The following FMN1 variants were observed in gnomAD, a reference collection of about 807,000 sequenced individuals.
The protein encoded by FMN1 is formin-1.
In FMN1, 110 loss-of-function variants were observed where a neutral mutation model predicts 132.4. That is an observed-to-expected ratio of 0.83 (90% CI 0.71 to 0.97). The LOEUF (loss-of-function observed/expected upper bound fraction) is 0.97, where lower values mean the gene tolerates loss of function less well. FMN1 is among the 50% of genes least tolerant of loss of function. The pLI is 0.00. For missense variants in FMN1, 1,792 were observed against 1,705.3 expected, an observed-to-expected ratio of 1.05 and a Z score of -0.90; for synonymous variants, 722 against 651.7, an observed-to-expected ratio of 1.11 and a Z score of -1.64.
chr15:33,076,284 G>T (rs1395332843), intron 5 of FMN1, among the ~76,000 whole-genome samples: 2 of 152,178 alleles, frequency 1.3e-5, no homozygotes, highest in Non-Finnish European at 2.9e-5. Flanking sequence ...TGACTAAGTT[G>T]CTCCTGATAA....
chr15:32,921,302 A>G (rs2060815638), intron 10 of FMN1, among the ~76,000 whole-genome samples: 1 of 152,214 alleles, frequency 6.6e-6, no homozygotes, highest in African/African-American at 2.4e-5. Flanking sequence ...TGTGTTGTGC[A>G]TGCAATGACA....
intron 5 of FMN1, among the ~76,000 whole-genome samples, chr15:33,075,368 T>C (rs2038167442): frequency 6.6e-6 from 1 of 152,084 alleles, no homozygotes; most frequent in Admixed American, 6.6e-5. Flanking sequence ...AGCAGGAAGT[T>C]TTCTTCTCCC....
At chr15:33,163,419 C>T (rs1388143888) in intron 3 of FMN1, among the ~76,000 whole-genome samples, 1 of 151,736 alleles carries the variant, frequency 6.6e-6, no homozygotes, top group East Asian at 1.9e-4. Context: ...CTCAGCCTCC[C>T]GAGTAGCTGG....
intron 3 of FMN1, among the ~76,000 whole-genome samples, chr15:33,163,131 A>G (rs1206859210): frequency 6.6e-6 from 1 of 152,186 alleles, no homozygotes; most frequent in African/African-American, 2.4e-5. Context: ...TGCTTCAAAA[A>G]AAAGATATGT....
chr15:32,955,807 G>C (rs1181537897), intron 9 of FMN1, among the ~76,000 whole-genome samples: 1 of 138,772 alleles, frequency 7.2e-6, no homozygotes, highest in Admixed American at 6.8e-5. Flanking sequence ...GTGTGTGCGT[G>C]TGCGTGTGTG....
intron 4 of FMN1, among the ~76,000 whole-genome samples, chr15:33,104,688 A>C (rs572051555): frequency 1.3e-5 from 2 of 152,190 alleles, no homozygotes; most frequent in South Asian, 4.1e-4. Context: ...TGTAATTCTC[A>C]AATAGTTTTG....
At chr15:33,029,939 T>C (rs771980602) in intron 6 of FMN1, among the ~76,000 whole-genome samples, 24 of 152,172 alleles carry the variant, frequency 1.6e-4, no homozygotes, top group Non-Finnish European at 1.8e-4. Context: ...AGGCAGATCA[T>C]GAGGTCAAGA....
At chr15:32,899,873 G>GAT in intron 14 of FMN1, 106 bp downstream of exon 14, 7 of 1,081,432 alleles carry the variant, frequency 6.5e-6, no homozygotes, top group Non-Finnish European at 9.4e-6. Context: ...TGTTGTTAAG[G>GAT]GGAGGATAGA....
chr15:32,784,843 C>T (rs1276336520), intron 19 of FMN1, among the ~76,000 whole-genome samples: 1 of 152,112 alleles, frequency 6.6e-6, no homozygotes, highest in Non-Finnish European at 1.5e-5. Context: ...TATTTATGGT[C>T]TTTTCTGGAA....
chr15:32,871,803 C>A (rs1200729146), intron 16 of FMN1, among the ~76,000 whole-genome samples: 1 of 152,174 alleles, frequency 6.6e-6, no homozygotes, highest in African/African-American at 2.4e-5. Context: ...TACCACTCTG[C>A]AGAGGTGGCT....
chr15:32,909,714 G>C (rs905356460), intron 11 of FMN1, among the ~76,000 whole-genome samples: 2 of 152,132 alleles, frequency 1.3e-5, no homozygotes, highest in African/African-American at 4.8e-5. Flanking sequence ...CCAAAACAAT[G>C]AACAATCATG....
intron 7 of FMN1, among the ~76,000 whole-genome samples, chr15:32,994,070 ACT>A (rs1002093823): frequency 5.3e-5 from 8 of 152,026 alleles, no homozygotes; most frequent in African/African-American, 1.9e-4. Context: ...TCTCCACCGC[ACT>A]GTTTTCAACC....
chr15:32,921,416 T>C (rs1322768808), intron 10 of FMN1, among the ~76,000 whole-genome samples: 1 of 152,210 alleles, frequency 6.6e-6, no homozygotes, highest in African/African-American at 2.4e-5. Flanking sequence ...AAATAAGAGA[T>C]CTATGTTTTG....
At chr15:32,940,391 T>TTTTGTG (rs1251787024) in intron 9 of FMN1, among the ~76,000 whole-genome samples, 1 of 145,308 alleles carries the variant, frequency 6.9e-6, no homozygotes, top group Non-Finnish European at 1.5e-5. Flanking sequence ...AAAATAAAAA[T>TTTTGTG]TGTGTGTGTG....
intron 7 of FMN1, among the ~76,000 whole-genome samples, chr15:32,983,474 G>C (rs377071728): frequency 2.6e-5 from 4 of 152,126 alleles, no homozygotes; most frequent in African/African-American, 9.6e-5. Flanking sequence ...ACCTCAGATG[G>C]TACACTTAGA....
At chr15:33,076,490 G>A (rs1000052) in intron 5 of FMN1, among the ~76,000 whole-genome samples, 2 of 149,086 alleles carry the variant, frequency 1.3e-5, no homozygotes, top group Non-Finnish European at 2.9e-5. Context: ...TATTTTTAAA[G>A]GGGACAAAAG....
intron 7 of FMN1, among the ~76,000 whole-genome samples, chr15:32,980,040 C>T (rs1396013565): frequency 1.3e-5 from 2 of 151,864 alleles, no homozygotes; most frequent in East Asian, 3.8e-4. Flanking sequence ...ACGTTATAGG[C>T]AAATCGACAG....
At chr15:33,149,244 G>A (rs1019599524) in intron 4 of FMN1, among the ~76,000 whole-genome samples, 3 of 151,968 alleles carry the variant, frequency 2.0e-5, no homozygotes, top group Non-Finnish European at 4.4e-5. Context: ...CATGATATTC[G>A]AACCTGTACC....
At chr15:32,822,020 A>G (rs1201182567) in intron 17 of FMN1, among the ~76,000 whole-genome samples, 1 of 152,044 alleles carries the variant, frequency 6.6e-6, no homozygotes, top group Non-Finnish European at 1.5e-5. Context: ...ACCTTTTGCT[A>G]CTCCACTTCT....
Sources: allele counts gnomAD v4.1 joint callset (sites outside exome capture counted in the v4.1 genomes callset), GRCh38; gene constraint gnomAD v4.1.1; transcripts MANE v1.5; gene names NCBI Gene and HGNC (gene_info 2026-07-23, HGNC 2026-07-21).